EPHB1: variants seen among roughly 807,000 people sequenced by gnomAD.
EPHB1 encodes the protein EPH receptor B1.
EPHB1 carries 30 observed loss-of-function variants against 94.4 expected under a neutral mutation model. The ratio of observed to expected loss-of-function variants is 0.32; its 90% CI spans 0.24 to 0.43. The LOEUF is 0.43. Among genes scored for constraint, EPHB1 ranks in the 20% least tolerant of loss-of-function variants. EPHB1 has a pLI of 1.00. For missense variants in EPHB1, 1,055 were observed against 1,308.3 expected (o/e 0.81, Z 2.99); for synonymous variants, 522 against 489.1 (o/e 1.07, Z -0.89).
At chr3:135,258,696 G>A (rs1933519883) in intron 15 of EPHB1, among the ~76,000 whole-genome samples, 1 of 152,146 alleles carries the variant, frequency 6.6e-6, no homozygotes, top group South Asian at 2.1e-4. Context: ...AAAAATAGCA[G>A]AGGAAAATTC....
intron 1 of EPHB1, among the ~76,000 whole-genome samples, chr3:134,885,438 C>T (rs1363123453): frequency 6.6e-6 from 1 of 152,142 alleles, no homozygotes; most frequent in Non-Finnish European, 1.5e-5. Context: ...CATTCTTTCC[C>T]CAGTGATTAT....
At chr3:134,868,237 A>G (rs138662964) in intron 1 of EPHB1, among the ~76,000 whole-genome samples, 36 of 152,366 alleles carry the variant, frequency 2.4e-4, no homozygotes, top group African/African-American at 8.2e-4. Context: ...CTTAAAATGC[A>G]TAACTGAGAG....
intron 2 of EPHB1, among the ~76,000 whole-genome samples, chr3:134,937,066 G>A (rs778557930): frequency 4.2e-4 from 64 of 152,220 alleles, no homozygotes; most frequent in Non-Finnish European, 7.1e-4. Context: ...CTTAATGTGG[G>A]AGCTGAATTT....
At chr3:134,906,411 A>G (rs904401465) in intron 1 of EPHB1, among the ~76,000 whole-genome samples, 5 of 152,190 alleles carry the variant, frequency 3.3e-5, no homozygotes, top group Non-Finnish European at 7.3e-5. Flanking sequence ...ACTTTTGTGG[A>G]CGTTTATAGG....
intron 3 of EPHB1, among the ~76,000 whole-genome samples, chr3:135,054,036 T>TACAC (rs1302391868): frequency 4.2e-4 from 44 of 105,730 alleles, no homozygotes; most frequent in East Asian, 2.1e-3. Context: ...TATATATATA[T>TACAC]ATATACACAC....
At chr3:134,828,355 C>A (rs1241153751) in intron 1 of EPHB1, among the ~76,000 whole-genome samples, 4 of 152,296 alleles carry the variant, frequency 2.6e-5, no homozygotes, top group African/African-American at 9.6e-5. Flanking sequence ...GTTCTCACAG[C>A]TTCCCAAGTG....
Position 135,241,210 on chromosome 3 carries a change from A to C in EPHB1, c.2409A>C (p.Ser803=). ...CCATCGCCTACCGCAAGTTCACTTC[A>C]GCCAGCGACGTTTGGAGCTATGGGA... ...PEAIAYRKFT[S]ASDVWSYGIV... Residue 803 remains serine, a synonymous_variant, in exon 13 of 16, where the codon TCA becomes TCC. Transcript: ENST00000398015. 4 of 1,614,216 alleles carry C rather than the reference A, an allele frequency of 2.5e-6. 1 individual carries two copies. In the South Asian group the frequency reaches 4.4e-5, roughly 18 times the overall value.
intron 3 of EPHB1, among the ~76,000 whole-genome samples, chr3:135,099,736 T>G (rs979625280): frequency 6.6e-6 from 1 of 152,230 alleles, no homozygotes; most frequent in Non-Finnish European, 1.5e-5. Flanking sequence ...TATGCAGAGC[T>G]GTTTGCATGA....
At chr3:135,155,421 A>G (rs1032115548) in intron 6 of EPHB1, among the ~76,000 whole-genome samples, 1 of 152,082 alleles carries the variant, frequency 6.6e-6, no homozygotes, top group African/African-American at 2.4e-5. Context: ...AACAAGCAGG[A>G]AGGAAACCAG....
chr3:135,255,896 G>A (rs1435871771), intron 15 of EPHB1, among the ~76,000 whole-genome samples: 1 of 145,816 alleles, frequency 6.9e-6, no homozygotes, highest in African/African-American at 2.5e-5. Flanking sequence ...ATGAATCTGG[G>A]TGCTCCTGTA....
chr3:134,945,495 T>C (rs1409342743), intron 2 of EPHB1, among the ~76,000 whole-genome samples: 1 of 152,242 alleles, frequency 6.6e-6, no homozygotes, highest in African/African-American at 2.4e-5. Context: ...ATGATTTACC[T>C]TCTTCATATT....
intron 1 of EPHB1, among the ~76,000 whole-genome samples, chr3:134,814,849 G>C (rs1291783977): frequency 1.3e-5 from 2 of 152,284 alleles, no homozygotes; most frequent in East Asian, 1.9e-4. Context: ...GGTCTTCTTT[G>C]GTGTCACCAC....
chr3:134,840,512 T>A (rs1488130754), intron 1 of EPHB1: 1 of 152,198 alleles, frequency 6.6e-6, no homozygotes, highest in Non-Finnish European at 1.5e-5. Flanking sequence ...AAACTTCAAA[T>A]TAAAGCAGGA....
chr3:134,899,789 T>C lies in EPHB1; in HGVS notation c.59-26027T>C, dbSNP rs142496876. On this transcript the variant is annotated intron_variant, in intron 1 of 15. Transcript: ENST00000398015. ...TCCTGGGCTCAAGCCATCCTCCTGC[T>C]TCAGCCTCCCAAATATCTGGGACTA... Among the ~76,000 whole-genome samples the C allele has an allele frequency of 8.8e-3, 1,333 of 152,286 alleles. 23 individuals carry two copies. The highest frequency in any genetic ancestry group is 0.03 in the African/African-American group (1,262 of 41,568).
At chr3:134,985,899 C>T (rs185322119) in intron 3 of EPHB1, among the ~76,000 whole-genome samples, 2 of 152,298 alleles carry the variant, frequency 1.3e-5, no homozygotes, top group South Asian at 2.1e-4. Context: ...GCCTGAATCA[C>T]TGGCTTATTC....
At chr3:134,882,768 T>TTCTTTCTTTCTTTC (rs2037771653) in intron 1 of EPHB1, among the ~76,000 whole-genome samples, 2 of 44,480 alleles carry the variant, frequency 4.5e-5, no homozygotes, top group African/African-American at 1.3e-4. Context: ...CTTCCTTCCT[T>TTCTTTCTTTCTTTC]TCTTTCTTTC....
chr3:135,074,337 A>C (rs1003353292), intron 3 of EPHB1, among the ~76,000 whole-genome samples: 1 of 152,232 alleles, frequency 6.6e-6, no homozygotes, highest in African/African-American at 2.4e-5. Flanking sequence ...TGAATGAATG[A>C]GAAATTGAAT....
At chr3:135,097,429 GGCT>G (rs1228869597) in intron 3 of EPHB1, among the ~76,000 whole-genome samples, 1 of 152,116 alleles carries the variant, frequency 6.6e-6, no homozygotes, top group Non-Finnish European at 1.5e-5. Flanking sequence ...TCTGGGAACA[GGCT>G]GCCATCAGGA....
chr3:134,853,906 C>T (rs2037048473), intron 1 of EPHB1, among the ~76,000 whole-genome samples: 1 of 152,148 alleles, frequency 6.6e-6, no homozygotes, highest in Non-Finnish European at 1.5e-5. Flanking sequence ...GGACAGAGAG[C>T]CCATCCATCA....
Sources: allele counts gnomAD v4.1 joint callset (sites outside exome capture counted in the v4.1 genomes callset), GRCh38; gene constraint gnomAD v4.1.1; transcripts MANE v1.5; gene names NCBI Gene and HGNC (gene_info 2026-07-23, HGNC 2026-07-21).